GORAB: variants seen among roughly 807,000 people sequenced by gnomAD.
GORAB encodes golgin, RAB6 interacting.
A neutral mutation model predicts 29.9 loss-of-function variants in GORAB; 17 were observed. The ratio of observed to expected loss-of-function variants is 0.57; its 90% CI spans 0.39 to 0.85. The LOEUF (loss-of-function observed/expected upper bound fraction) is 0.85. Ranked by LOEUF, GORAB falls within the 40% of genes least tolerant of loss-of-function variation. GORAB has a pLI of 0.00. For synonymous variants in GORAB, 183 were observed against 157.2 expected (o/e 1.16, Z -1.23); for missense variants, 442 against 437.8 (o/e 1.01, Z -0.09).
chr1:170,548,466 A>G (rs904742710), intron 4 of GORAB, among the ~76,000 whole-genome samples: 5 of 152,204 alleles, frequency 3.3e-5, no homozygotes, highest in African/African-American at 1.2e-4. Flanking sequence ...TTGGGAGGCC[A>G]TTTTTTAGCC....
Position 170,551,868 on chromosome 1 carries a change from A to G in GORAB, c.663-147A>G, listed in dbSNP as rs935321891. 3.3e-5 allele frequency: 23 copies of G among 705,802 alleles called. No homozygotes were observed. The East Asian group carries it at 5.6e-4, about 17-fold the overall frequency. The allele number at this position is 705,802 out of a possible 1,614,324, so 43.7% of individuals were successfully genotyped here. On this transcript the variant is annotated intron_variant, in intron 4 of 4. Coordinates refer to ENST00000367763, the MANE Select transcript of GORAB (RefSeq NM_152281.3). ...CCATAGCCTAGTCTGGCCAACATGTAGACAAGTGTTTGTAAAGTAGTAATA... is the reference window on the plus strand; with the variant it reads ...CCATAGCCTAGTCTGGCCAACATGTGGACAAGTGTTTGTAAAGTAGTAATA...
At chr1:170,546,765 A>G (rs1571255889) in intron 4 of GORAB, among the ~76,000 whole-genome samples, 1 of 152,056 alleles carries the variant, frequency 6.6e-6, no homozygotes, top group East Asian at 1.9e-4. Flanking sequence ...GCTCACTGCA[A>G]CCTCCGCCTC....
Position 170,539,210 on chromosome 1 carries a change from A to G in GORAB, c.62A>G (p.Asp21Gly). 6.2e-7 allele frequency: 1 copy of G among 1,614,080 alleles called. No individual in the cohort carries two copies. Among genetic ancestry groups the G allele is most frequent in the Non-Finnish European group, 8.5e-7 (1 of 1,179,980 alleles). ...TTTTCCTCTATTTTCTTTTACATAG[A>G]TCCATTTGAACCACAGCGACGTCTC... ...EELRRLKQTK[D>G]PFEPQRRLPA... Residue 21 changes from aspartate to glycine, a missense_variant and splice_region_variant, in exon 2 of 5, where the codon GAT becomes GGT. Physicochemically the swap from Asp to Gly is moderately conservative, Grantham distance 94. Coordinates refer to ENST00000367763, the MANE Select transcript of GORAB (RefSeq NM_152281.3).
At chr1:170,544,646 A>C in intron 3 of GORAB, 59 bp from the exon 4 acceptor site, 5 of 1,437,232 alleles carry the variant, frequency 3.5e-6, no homozygotes. Flanking sequence ...CTTACATTGT[A>C]TATGGACACA....
chr1:170,546,205 A>G (rs1335222157), intron 4 of GORAB, among the ~76,000 whole-genome samples: 1 of 152,258 alleles, frequency 6.6e-6, no homozygotes, highest in East Asian at 1.9e-4. Flanking sequence ...CCTGGCTAAC[A>G]CGGTGAAACT....
intron 2 of GORAB, among the ~76,000 whole-genome samples, chr1:170,542,085 A>C (rs1320748603): frequency 6.6e-6 from 1 of 152,236 alleles, no homozygotes; most frequent in Non-Finnish European, 1.5e-5. Flanking sequence ...ACTTTATAGA[A>C]AACTCTAAAA....
intron 1 of GORAB, among the ~76,000 whole-genome samples, chr1:170,534,591 T>TTA (rs1648934897): frequency 1.3e-5 from 2 of 152,174 alleles, no homozygotes; most frequent in African/African-American, 4.8e-5. Flanking sequence ...TCTGGTAATA[T>TTA]TATAATACCC....
Position 170,552,768 on chromosome 1 carries a change from A to T in GORAB, c.*306A>T. 1 of 474,206 alleles carries T rather than the reference A, an allele frequency of 2.1e-6. No individual in the cohort carries two copies. 29.4% of individuals were successfully genotyped at this position (474,206 alleles called of 1,614,324 possible). A position where few individuals can be genotyped will look rare whatever the true frequency, so the allele number is the denominator to read the frequency against. On this transcript the variant is annotated 3_prime_UTR_variant, in exon 5 of 5. Coordinates refer to ENST00000367763, the MANE Select transcript of GORAB (RefSeq NM_152281.3). ...CATGGTTGGAGTGTTTTTAGATCAG[A>T]TAAATATAGAAAAGTAAAATGGAAA...
chr1:170,540,085 T>C (rs1310425661), intron 2 of GORAB, among the ~76,000 whole-genome samples: 1 of 151,802 alleles, frequency 6.6e-6, no homozygotes, highest in East Asian at 1.9e-4. Context: ...AATTGACCCC[T>C]TTTTTCAACT....
chr1:170,551,487 G>A (rs1055334555), intron 4 of GORAB, among the ~76,000 whole-genome samples: 1 of 152,092 alleles, frequency 6.6e-6, no homozygotes, highest in Non-Finnish European at 1.5e-5. Flanking sequence ...TATTAATCAA[G>A]AGAACAATTT....
intron 4 of GORAB, chr1:170,545,586 C>A: frequency 1.0e-6 from 1 of 985,348 alleles, no homozygotes; most frequent in African/African-American, 1.7e-5. Context: ...TTCAACATTG[C>A]TTTAATCATC....
chr1:170,543,442 G>A (rs1371531073), intron 3 of GORAB, among the ~76,000 whole-genome samples: 2 of 152,198 alleles, frequency 1.3e-5, no homozygotes, highest in Admixed American at 1.3e-4. Flanking sequence ...GAAGAGGGAA[G>A]AAGGTGATGG....
chr1:170,534,250 ATGTT>A (rs1349531645), intron 1 of GORAB, among the ~76,000 whole-genome samples: 3 of 152,208 alleles, frequency 2.0e-5, no homozygotes, highest in Non-Finnish European at 2.9e-5. Context: ...ATGCATTAAA[ATGTT>A]TGTTAATACA....
In GORAB at chr1:170,552,487, T is replaced by C. The variant is rs1296709412; in HGVS notation, c.*25T>C. 1 of 1,585,820 alleles carries C rather than the reference T, an allele frequency of 6.3e-7. No individual in the cohort carries two copies. Among genetic ancestry groups the C allele is most frequent in the South Asian group, 1.1e-5 (1 of 90,356 alleles). On this transcript the variant is annotated 3_prime_UTR_variant, in exon 5 of 5. Transcript: ENST00000367763. Reference sequence around the variant, plus strand: ...AAGTTCTGGTATTCTTTTGAGCTAATATGGTATTGAGTAAAGTATACTTTT... The same window carrying C: ...AAGTTCTGGTATTCTTTTGAGCTAACATGGTATTGAGTAAAGTATACTTTT...
chr1:170,543,723 G>A (rs970873850), intron 3 of GORAB, among the ~76,000 whole-genome samples: 2 of 150,526 alleles, frequency 1.3e-5, no homozygotes, highest in Non-Finnish European at 3.0e-5. Flanking sequence ...TGTTTTCTGT[G>A]GTTTTACAAA....
rs150688009 is a variant in GORAB at position 170,532,171 on chromosome 1, C to G, written c.-53C>G. The G allele has an allele frequency of 6.2e-7, 1 of 1,613,366 alleles. No individual in the cohort carries two copies. The highest frequency in any genetic ancestry group is 1.8e-4 in the Middle Eastern group (1 of 5,510). ...CGGATGAGCTGGGCAGCAGTGTTGG[C>G]AGTCGCGGCTGCGAGATTTGGGCAC... On this transcript the variant is annotated 5_prime_UTR_variant, in exon 1 of 5. Coordinates refer to ENST00000367763, the MANE Select transcript of GORAB (RefSeq NM_152281.3).
chr1:170,535,211 A>C (rs190002322), intron 1 of GORAB, among the ~76,000 whole-genome samples: 43 of 152,370 alleles, frequency 2.8e-4, no homozygotes, highest in Admixed American at 2.5e-3. Flanking sequence ...ACAGGAAATA[A>C]ATTCTCTCTT....
Position 170,539,431 on chromosome 1 carries a change from G to T in GORAB, c.283G>T (p.Val95Phe). Residue 95 changes from valine (V) to phenylalanine (F), a missense_variant, in exon 2 of 5, where the codon GTT (valine) becomes TTT (phenylalanine). Coordinates refer to ENST00000367763, the MANE Select transcript of GORAB (RefSeq NM_152281.3). ...GAGTCATTTCACTCTCACCTCCCCCGTTGGTGATGGACAACCACAGGGCAT... is the reference window on the plus strand; with the variant it reads ...GAGTCATTTCACTCTCACCTCCCCCTTTGGTGATGGACAACCACAGGGCAT... The part of the protein sequence containing the change: ...LPSHFTLTSP[V>F]GDGQPQGIES... 1 of 1,614,038 alleles carries T rather than the reference G, an allele frequency of 6.2e-7. No individual in the cohort carries two copies. The highest frequency in any genetic ancestry group is 8.5e-7 in the Non-Finnish European group (1 of 1,179,994).
chr1:170,539,604 C>A (rs753230761), intron 2 of GORAB, 37 bp downstream of exon 2: 7 of 1,598,112 alleles, frequency 4.4e-6, no homozygotes, highest in East Asian at 4.6e-5. Flanking sequence ...TGAGACTTTT[C>A]ATTTAACCCG....
Sources: allele counts gnomAD v4.1 joint callset (sites outside exome capture counted in the v4.1 genomes callset), GRCh38; gene constraint gnomAD v4.1.1; transcripts MANE v1.5; gene names NCBI Gene and HGNC (gene_info 2026-07-23, HGNC 2026-07-21).